Variants in PIK3C2A observed in about 807,000 individuals in gnomAD.
The protein encoded by PIK3C2A is phosphatidylinositol-4-phosphate 3-kinase catalytic subunit type 2 alpha, also known as phosphatidylinositol 4-phosphate 3-kinase C2 domain-containing subunit alpha.
Under a neutral mutation model 204.5 loss-of-function variants are expected in PIK3C2A, and 97 were observed. That is an observed-to-expected ratio of 0.47 (90% CI 0.40 to 0.56). The LOEUF (loss-of-function observed/expected upper bound fraction) is 0.56. Among genes scored for constraint, PIK3C2A ranks in the 20% least tolerant of loss-of-function variants. The pLI is 0.00. For synonymous variants in PIK3C2A, 653 were observed against 664.4 expected (o/e 0.98, Z 0.26); for missense variants, 1,735 against 1,969.2 (o/e 0.88, Z 2.25).
chr11:17,198,140 GCT>G (rs1378256050), intron 1 of PIK3C2A, among the ~76,000 whole-genome samples: 1 of 138,644 alleles, frequency 7.2e-6, no homozygotes, highest in Non-Finnish European at 1.5e-5. Context: ...ATGGAGTCTT[GCT>G]CTGTCTCCCA....
intron 1 of PIK3C2A, among the ~76,000 whole-genome samples, chr11:17,186,482 G>A (rs573457713): frequency 1.1e-3 from 173 of 152,182 alleles, no homozygotes; most frequent in African/African-American, 4.0e-3. Context: ...ACAAATAGGT[G>A]AAATTAATAT....
At chr11:17,171,368 T>G (rs1393610868) in intron 1 of PIK3C2A, among the ~76,000 whole-genome samples, 1 of 152,214 alleles carries the variant, frequency 6.6e-6, no homozygotes. Flanking sequence ...ATGGTCTTTC[T>G]TTCTAGCAAA....
intron 15 of PIK3C2A, among the ~76,000 whole-genome samples, chr11:17,121,853 A>G (rs146458626): frequency 6.6e-6 from 1 of 152,154 alleles, no homozygotes; most frequent in African/African-American, 2.4e-5. Flanking sequence ...TACGGTTAAA[A>G]AAATCTCTTG....
At position 17,168,689 on chromosome 11, in the gene PIK3C2A, G is replaced by A. The variant is rs777046033; in HGVS notation, c.1053C>T (p.Gly351=). Residue 351 remains glycine (G), a synonymous_variant, in exon 2 of 33, where the codon GGC becomes GGT. Transcript: ENST00000691414. ...GAAAAGACTATACCTGAGATATATG[G>A]CCCTGGGCTTTTGCAAGCTGAGTTG... ...IRTTQLAKAQ[G]HISQKDPNGT... The A allele has an allele frequency of 1.7e-5, 27 of 1,578,120 alleles. No individual in the cohort carries two copies. Among genetic ancestry groups the A allele is most frequent in the Non-Finnish European group, 2.6e-6 (3 of 1,161,590 alleles).
intron 1 of PIK3C2A, among the ~76,000 whole-genome samples, chr11:17,186,439 G>A (rs1851753495): frequency 6.6e-6 from 1 of 151,932 alleles, no homozygotes; most frequent in African/African-American, 2.4e-5. Context: ...TCTAGTCCTG[G>A]AATAACAAAG....
chr11:17,105,380 ATTACTT>A (rs1231032959), intron 22 of PIK3C2A, 75 bp from the exon 23 acceptor site: 2 of 1,252,966 alleles, frequency 1.6e-6, no homozygotes, highest in East Asian at 5.1e-5. Context: ...AAAAATTATT[ATTACTT>A]TTTAAATTTC....
chr11:17,130,609 A>C (rs1467135390), intron 12 of PIK3C2A, among the ~76,000 whole-genome samples: 2 of 151,886 alleles, frequency 1.3e-5, no homozygotes, highest in African/African-American at 2.4e-5. Context: ...ATTCAAGACT[A>C]GCCTGGCCAA....
intron 26 of PIK3C2A, among the ~76,000 whole-genome samples, chr11:17,097,600 T>C (rs954632198): frequency 6.6e-6 from 1 of 152,150 alleles, no homozygotes; most frequent in Non-Finnish European, 1.5e-5. Context: ...AGGAGAAAGA[T>C]GACAAATAGG....
At chr11:17,096,680 A>G (rs1848465391) in intron 27 of PIK3C2A, among the ~76,000 whole-genome samples, 1 of 152,238 alleles carries the variant, frequency 6.6e-6, no homozygotes. Flanking sequence ...AACAAAAAAG[A>G]TAACACTACA....
At chr11:17,117,735 G>GGCTCCGTCTCAAAA in intron 18 of PIK3C2A, 64 bp from the exon 19 acceptor site, 1 of 697,924 alleles carries the variant, frequency 1.4e-6, no homozygotes. Flanking sequence ...TTTTTTTTGA[G>GGCTCCGTCTCAAAA]ACGGAGCCTC....
chr11:17,201,815 T>C (rs996059676), intron 1 of PIK3C2A, among the ~76,000 whole-genome samples: 2 of 152,202 alleles, frequency 1.3e-5, no homozygotes. Context: ...AAGTACTTTT[T>C]GCTACATGGA....
At chr11:17,096,197 T>C (rs1848451481) in intron 27 of PIK3C2A, among the ~76,000 whole-genome samples, 1 of 151,900 alleles carries the variant, frequency 6.6e-6, no homozygotes, top group Non-Finnish European at 1.5e-5. Flanking sequence ...TGCCACCACA[T>C]CCAGCTAATT....
chr11:17,176,003 A>ATTT (rs57197496), intron 1 of PIK3C2A, among the ~76,000 whole-genome samples: 1 of 143,876 alleles, frequency 7.0e-6, no homozygotes. Flanking sequence ...CATGGAACTG[A>ATTT]TTTTTTTTTT....
chr11:17,155,685 TAGC>T, intron 2 of PIK3C2A, 56 bp from the exon 3 acceptor site: 1 of 925,924 alleles, frequency 1.1e-6, no homozygotes. Flanking sequence ...AAATGCTACA[TAGC>T]AGCACAGCAC....
chr11:17,116,436 G>A (rs1345530767), intron 19 of PIK3C2A, among the ~76,000 whole-genome samples: 1 of 152,098 alleles, frequency 6.6e-6, no homozygotes, highest in Admixed American at 6.6e-5. Context: ...CTTCTATATT[G>A]CTGGTGGGAA....
At chr11:17,117,008 T>C (rs886295262) in intron 19 of PIK3C2A, among the ~76,000 whole-genome samples, 1 of 152,228 alleles carries the variant, frequency 6.6e-6, no homozygotes, top group Admixed American at 6.5e-5. Flanking sequence ...AAAAATGGCA[T>C]GTAGTACACA....
At chr11:17,182,523 C>A (rs1430434817) in intron 1 of PIK3C2A, among the ~76,000 whole-genome samples, 2 of 142,186 alleles carry the variant, frequency 1.4e-5, no homozygotes, top group Non-Finnish European at 3.0e-5. Flanking sequence ...GAGTCAAGAT[C>A]ATTCACTGTA....
chr11:17,114,302 T>C (rs1004597848), intron 20 of PIK3C2A, 59 bp downstream of exon 20: 37 of 907,168 alleles, frequency 4.1e-5, no homozygotes, highest in Non-Finnish European at 6.1e-5. Context: ...ACCTGCCCAT[T>C]TGCCTTCTTC....
intron 8 of PIK3C2A, 29 bp from the exon 9 acceptor site, chr11:17,136,654 A>C: frequency 7.3e-7 from 1 of 1,363,466 alleles, no homozygotes; most frequent in Non-Finnish European, 1.0e-6. Flanking sequence ...AAATAAAAAT[A>C]GGTAGGTGAA....
Sources: gnomAD v4.1 joint callset for allele counts (sites outside exome capture counted in the v4.1 genomes callset) on GRCh38, gnomAD v4.1.1 for gene constraint, MANE v1.5 for transcripts, NCBI Gene and HGNC (gene_info 2026-07-23, HGNC 2026-07-21) for gene names.